ST6GALNAC5: variants seen among roughly 807,000 people sequenced by gnomAD.
ST6GALNAC5 encodes ST6 N-acetylgalactosaminide alpha-2,6-sialyltransferase 5.
ST6GALNAC5 carries 27 observed loss-of-function variants against 33.6 expected under a neutral mutation model. That is an observed-to-expected ratio of 0.80 (90% confidence interval 0.59 to 1.11). ST6GALNAC5 has a LOEUF of 1.11. Among genes scored for constraint, ST6GALNAC5 ranks in the 50% least tolerant of loss-of-function variants. The pLI is 0.00. For missense variants in ST6GALNAC5, 428 were observed against 454.0 expected, an observed-to-expected ratio of 0.94 and a Z score of 0.52; for synonymous variants, 194 against 171.2, an observed-to-expected ratio of 1.13 and a Z score of -1.04.
intron 2 of ST6GALNAC5, among the ~76,000 whole-genome samples, chr1:77,037,595 G>T (rs1225328346): frequency 6.6e-6 from 1 of 151,992 alleles, no homozygotes; most frequent in Non-Finnish European, 1.5e-5. Flanking sequence ...ATAAAATAAA[G>T]TTTGGCTTCT....
intron 2 of ST6GALNAC5, among the ~76,000 whole-genome samples, chr1:77,002,625 T>G (rs1299179300): frequency 7.9e-5 from 12 of 150,994 alleles, no homozygotes; most frequent in Non-Finnish European, 1.6e-4. Flanking sequence ...CTTGTGGGCA[T>G]TTAGTGCTAC....
chr1:76,874,106 A>G (rs1557705419), intron 2 of ST6GALNAC5, among the ~76,000 whole-genome samples: 1 of 152,218 alleles, frequency 6.6e-6, no homozygotes, highest in Non-Finnish European at 1.5e-5. Context: ...GTTAAATTCT[A>G]TTATTACCTT....
At chr1:76,982,291 A>C (rs1025365138) in intron 2 of ST6GALNAC5, among the ~76,000 whole-genome samples, 2 of 152,212 alleles carry the variant, frequency 1.3e-5, no homozygotes, top group Non-Finnish European at 2.9e-5. Context: ...ATGGCTAACT[A>C]GAATAAACAG....
At chr1:77,013,459 G>A (rs768462609) in intron 2 of ST6GALNAC5, among the ~76,000 whole-genome samples, 4 of 152,156 alleles carry the variant, frequency 2.6e-5, no homozygotes, top group Non-Finnish European at 5.9e-5. Flanking sequence ...TTTACGTATC[G>A]TCTTTATTAT....
At chr1:76,918,011 C>T (rs2100292496) in intron 2 of ST6GALNAC5, among the ~76,000 whole-genome samples, 1 of 152,240 alleles carries the variant, frequency 6.6e-6, no homozygotes, top group Admixed American at 6.5e-5. Flanking sequence ...TTGTCTCATC[C>T]AGAAACACCC....
intron 4 of ST6GALNAC5, among the ~76,000 whole-genome samples, chr1:77,050,896 C>T (rs1652194951): frequency 1.3e-5 from 2 of 152,350 alleles, no homozygotes; most frequent in East Asian, 1.9e-4. Context: ...TCTGTTGCCA[C>T]CTTAACTTTC....
intron 2 of ST6GALNAC5, among the ~76,000 whole-genome samples, chr1:76,948,609 GAGAGAGA>G (rs1647620765): frequency 1.3e-5 from 2 of 151,602 alleles, no homozygotes; most frequent in Admixed American, 1.3e-4. Context: ...GAGAGAGAGA[GAGAGAGA>G]GAGAGAGAGA....
chr1:76,989,552 T>C (rs1399115740), intron 2 of ST6GALNAC5, among the ~76,000 whole-genome samples: 1 of 152,102 alleles, frequency 6.6e-6, no homozygotes, highest in Non-Finnish European at 1.5e-5. Flanking sequence ...TGTCTTGGAG[T>C]ATAGATATAA....
Position 76,960,592 on chromosome 1 carries a change from A to T in ST6GALNAC5, c.262-83612A>T, listed in dbSNP as rs547882367. Reference sequence around the variant, plus strand: ...AATAAGCCTGGGAGCGATATGGGAGACTGGGGCTTATTTCATCCCTACAGC... The same window carrying T: ...AATAAGCCTGGGAGCGATATGGGAGTCTGGGGCTTATTTCATCCCTACAGC... On this transcript the variant is annotated intron_variant, in intron 2 of 4. Coordinates refer to ENST00000477717, the MANE Select transcript of ST6GALNAC5 (RefSeq NM_030965.3). Among the ~76,000 whole-genome samples the T allele has an allele frequency of 2.0e-3, 304 of 152,158 alleles. 1 individual carries two copies. Among genetic ancestry groups the T allele is most frequent in the Non-Finnish European group, 3.3e-3 (226 of 68,004 alleles).
chr1:77,024,020 G>A (rs1179781560), intron 2 of ST6GALNAC5, among the ~76,000 whole-genome samples: 1 of 152,158 alleles, frequency 6.6e-6, no homozygotes, highest in Non-Finnish European at 1.5e-5. Flanking sequence ...ACAGATCTGA[G>A]AGAGCCCAGA....
chr1:76,998,136 C>T (rs746908840), intron 2 of ST6GALNAC5, among the ~76,000 whole-genome samples: 4 of 152,124 alleles, frequency 2.6e-5, no homozygotes, highest in Non-Finnish European at 2.9e-5. Context: ...TTATAAATTA[C>T]CCAGTCTTGG....
At chr1:76,926,003 G>T (rs180899497) in intron 2 of ST6GALNAC5, among the ~76,000 whole-genome samples, 2 of 152,070 alleles carry the variant, frequency 1.3e-5, no homozygotes, top group Non-Finnish European at 2.9e-5. Context: ...GGCCAAGTTC[G>T]CAGAACTCTG....
chr1:77,042,336 A>T (rs1184954676), intron 2 of ST6GALNAC5, among the ~76,000 whole-genome samples: 1 of 152,140 alleles, frequency 6.6e-6, no homozygotes, highest in African/African-American at 2.4e-5. Context: ...CTTATACTGT[A>T]TCACACTGTA....
intron 2 of ST6GALNAC5, among the ~76,000 whole-genome samples, chr1:76,977,991 T>C (rs1649081446): frequency 1.3e-5 from 2 of 152,296 alleles, no homozygotes; most frequent in Non-Finnish European, 1.5e-5. Flanking sequence ...CATTTGTTAT[T>C]TTTTATCTTT....
intron 2 of ST6GALNAC5, among the ~76,000 whole-genome samples, chr1:76,920,199 T>C (rs1259046701): frequency 6.6e-6 from 1 of 152,200 alleles, no homozygotes; most frequent in African/African-American, 2.4e-5. Flanking sequence ...AAGTCAGCTC[T>C]ACATAGCTGG....
intron 2 of ST6GALNAC5, among the ~76,000 whole-genome samples, chr1:77,040,923 A>C (rs1450081410): frequency 6.6e-6 from 1 of 152,204 alleles, no homozygotes; most frequent in African/African-American, 2.4e-5. Flanking sequence ...GAATGAACAA[A>C]TCAATGTTGT....
At chr1:76,927,013 A>G (rs1464795494) in intron 2 of ST6GALNAC5, among the ~76,000 whole-genome samples, 1 of 152,050 alleles carries the variant, frequency 6.6e-6, no homozygotes, top group Non-Finnish European at 1.5e-5. Context: ...CATCTTATTT[A>G]AAATTGCTTT....
At chr1:76,872,270 G>T (rs148772446) in intron 2 of ST6GALNAC5, among the ~76,000 whole-genome samples, 1 of 152,210 alleles carries the variant, frequency 6.6e-6, no homozygotes, top group African/African-American at 2.4e-5. Flanking sequence ...AAATGAAACC[G>T]TGAGCTAATT....
chr1:76,938,535 T>G (rs1647249362), intron 2 of ST6GALNAC5, among the ~76,000 whole-genome samples: 1 of 152,100 alleles, frequency 6.6e-6, no homozygotes, highest in South Asian at 2.1e-4. Flanking sequence ...TCCACAAATG[T>G]GGGCTCATCT....
Sources: gnomAD v4.1 joint callset for allele counts (sites outside exome capture counted in the v4.1 genomes callset) on GRCh38, gnomAD v4.1.1 for gene constraint, MANE v1.5 for transcripts, NCBI Gene and HGNC (gene_info 2026-07-23, HGNC 2026-07-21) for gene names.